KCNH8: variants seen among roughly 807,000 people sequenced by gnomAD.
The protein encoded by KCNH8 is potassium voltage-gated channel subfamily H member 8.
In KCNH8, 70 loss-of-function variants were observed where a neutral mutation model predicts 103.6. The ratio of observed to expected loss-of-function variants is 0.68; its 90% CI spans 0.56 to 0.82. The LOEUF is 0.82. Among genes scored for constraint, KCNH8 ranks in the 40% least tolerant of loss-of-function variants. The pLI is 0.00. For missense variants in KCNH8, 1,217 were observed against 1,329.9 expected (o/e 0.92, Z 1.32); for synonymous variants, 498 against 489.4 (o/e 1.02, Z -0.23).
chr3:19,179,021 G>A (rs1231510676), intron 1 of KCNH8, among the ~76,000 whole-genome samples: 1 of 152,042 alleles, frequency 6.6e-6, no homozygotes, highest in African/African-American at 2.4e-5. Flanking sequence ...GGAAGTTGGG[G>A]ATAAATATGA....
chr3:19,463,977 G>A (rs551861069), intron 11 of KCNH8, among the ~76,000 whole-genome samples: 60 of 152,012 alleles, frequency 3.9e-4, no homozygotes, highest in Non-Finnish European at 8.1e-4. Context: ...AAACAATACC[G>A]CTTGCGTAAA....
At chr3:19,414,261 G>A (rs1364550930) in intron 7 of KCNH8, among the ~76,000 whole-genome samples, 2 of 152,026 alleles carry the variant, frequency 1.3e-5, no homozygotes, top group African/African-American at 4.8e-5. Flanking sequence ...AGGGAAAGGA[G>A]ATACTCAAAT....
At chr3:19,420,610 G>C (rs1156417142) in intron 7 of KCNH8, among the ~76,000 whole-genome samples, 2 of 152,148 alleles carry the variant, frequency 1.3e-5, no homozygotes, top group Non-Finnish European at 2.9e-5. Context: ...GTGACTCTGT[G>C]ACCCACTCAG....
At position 19,297,849 on chromosome 3, in the gene KCNH8, A is replaced by G. The variant is rs116830414; in HGVS notation, c.442+16520A>G. The stretch of plus-strand genomic sequence containing the variant: ...GCAATGGGCCAGTATGAGAACTTGA[A>G]AGCTGCAGATGCTTATCAAGCTCTC... On this transcript the variant is annotated intron_variant, in intron 3 of 15. Transcript: ENST00000328405. 7.2e-3 allele frequency among the ~76,000 whole-genome samples: 1,099 copies of G among 152,318 alleles called. 16 individuals carry two copies. Among genetic ancestry groups the G allele is most frequent in the African/African-American group, 0.025 (1,020 of 41,572 alleles).
chr3:19,478,150 G>A (rs940755610), intron 11 of KCNH8, among the ~76,000 whole-genome samples: 21 of 152,092 alleles, frequency 1.4e-4, no homozygotes, highest in African/African-American at 3.4e-4. Context: ...AGGATTCATA[G>A]GCCCATTTTC....
chr3:19,257,773 A>C lies in KCNH8; in HGVS notation c.310+3886A>C, dbSNP rs564802938. ...ATTAGTTTGTTAGGGTTACCATTAT[A>C]AAGTACCACAAACTGAGTGGCTTAA... On this transcript the variant is annotated intron_variant, in intron 2 of 15. Coordinates refer to ENST00000328405, the MANE Select transcript of KCNH8 (RefSeq NM_144633.3). Among the ~76,000 whole-genome samples, 12 of 152,198 alleles carry C rather than the reference A, an allele frequency of 7.9e-5. No homozygotes were observed. In the South Asian group the frequency reaches 2.3e-3, roughly 29 times the overall value.
chr3:19,335,477 G>GTT (rs1433498303), intron 3 of KCNH8, among the ~76,000 whole-genome samples: 4 of 58,024 alleles, frequency 6.9e-5, no homozygotes, highest in Non-Finnish European at 1.2e-4. Flanking sequence ...GTATATATAT[G>GTT]TGTGTGTATA....
chr3:19,345,371 G>C (rs1460439721), intron 4 of KCNH8, among the ~76,000 whole-genome samples: 1 of 151,998 alleles, frequency 6.6e-6, no homozygotes, highest in Non-Finnish European at 1.5e-5. Context: ...TCAGATGATA[G>C]TTTCAAAGGA....
At chr3:19,354,447 A>C (rs576849763) in intron 5 of KCNH8, among the ~76,000 whole-genome samples, 43 of 152,314 alleles carry the variant, frequency 2.8e-4, no homozygotes, top group African/African-American at 9.6e-4. Flanking sequence ...AAAAGAAGAA[A>C]GCTGGAGGTA....
chr3:19,520,922 A>G (rs1435557280), intron 15 of KCNH8, among the ~76,000 whole-genome samples: 1 of 152,042 alleles, frequency 6.6e-6, no homozygotes, highest in African/African-American at 2.4e-5. Context: ...AAAATCTGAA[A>G]AGTAATAATA....
At chr3:19,322,658 TGACTATGTGCCCAGG>T (rs1167981692) in intron 3 of KCNH8, among the ~76,000 whole-genome samples, 2 of 152,352 alleles carry the variant, frequency 1.3e-5, no homozygotes, top group East Asian at 3.9e-4. Flanking sequence ...GATAACTTGA[TGACTATGTGCCCAGG>T]CAATGATCTT....
At chr3:19,311,426 T>C (rs1031606754) in intron 3 of KCNH8, among the ~76,000 whole-genome samples, 3 of 151,668 alleles carry the variant, frequency 2.0e-5, no homozygotes, top group African/African-American at 7.3e-5. Context: ...TATTAACTAC[T>C]ATAGCCATTT....
At chr3:19,531,263 T>C (rs1442139916) in intron 15 of KCNH8, among the ~76,000 whole-genome samples, 1 of 152,184 alleles carries the variant, frequency 6.6e-6, no homozygotes, top group East Asian at 1.9e-4. Context: ...TCTGAAATTA[T>C]GACACAAGAA....
rs1194490014 is a variant in KCNH8, at chr3:19,451,416, TTGAAAAACTTGTA to T, written c.1825+18_1825+30del. ...GCTGGCTATTCTTGGTAGGTCTGAA[TTGAAAAACTTGTA>T]TGAAATTTGACTCTGGAGCATAAAT... On this transcript the variant is annotated intron_variant, in intron 10 of 15. Transcript: ENST00000328405. The T allele has an allele frequency of 6.2e-7, 1 of 1,609,026 alleles. No homozygotes were observed. The highest frequency in any genetic ancestry group is 2.2e-5 in the East Asian group (1 of 44,816).
At chr3:19,188,085 A>G (rs545908884) in intron 1 of KCNH8, among the ~76,000 whole-genome samples, 2 of 152,132 alleles carry the variant, frequency 1.3e-5, no homozygotes, top group Admixed American at 6.6e-5. Context: ...TTTGTTAATA[A>G]AGTTTTCCTG....
chr3:19,178,873 T>A (rs1172348139), intron 1 of KCNH8, among the ~76,000 whole-genome samples: 2 of 152,162 alleles, frequency 1.3e-5, no homozygotes, highest in Non-Finnish European at 2.9e-5. Context: ...CATTCTGTCC[T>A]CACTTAGGCT....
chr3:19,326,383 A>ATATATATATATATATATATATATATT (rs1257267521), intron 3 of KCNH8, among the ~76,000 whole-genome samples: 1 of 144,220 alleles, frequency 6.9e-6, no homozygotes, highest in Non-Finnish European at 1.5e-5. Flanking sequence ...ATATATATAT[A>ATATATATATATATATATATATATATT]ATAAATGATT....
chr3:19,251,152 C>A (rs987706686), intron 1 of KCNH8, among the ~76,000 whole-genome samples: 4 of 152,140 alleles, frequency 2.6e-5, no homozygotes, highest in Admixed American at 1.3e-4. Context: ...AGGAGGGTGC[C>A]CCCCTCTGGA....
intron 1 of KCNH8, among the ~76,000 whole-genome samples, chr3:19,194,766 A>G (rs888798856): frequency 1.3e-5 from 2 of 151,836 alleles, no homozygotes; most frequent in African/African-American, 4.8e-5. Flanking sequence ...CACATATATC[A>G]TCTGAATCTA....
Sources: allele counts gnomAD v4.1 joint callset (sites outside exome capture counted in the v4.1 genomes callset), GRCh38; gene constraint gnomAD v4.1.1; transcripts MANE v1.5; gene names NCBI Gene and HGNC (gene_info 2026-07-23, HGNC 2026-07-21).